The following KLHDC10 variants were observed in gnomAD, a reference collection of about 807,000 sequenced individuals.
KLHDC10 encodes the protein kelch domain-containing protein 10.
KLHDC10 carries 24 observed loss-of-function variants against 56.1 expected under a neutral mutation model. That is an observed-to-expected ratio of 0.43 (90% CI 0.31 to 0.60). The LOEUF (loss-of-function observed/expected upper bound fraction) is 0.60, where lower values mean the gene tolerates loss of function less well. KLHDC10 is among the 20% of genes least tolerant of loss of function. KLHDC10 has a pLI of 0.11. For synonymous variants in KLHDC10, 188 were observed against 207.1 expected (o/e 0.91, Z 0.79); for missense variants, 349 against 567.0 (o/e 0.62, Z 3.91).
intron 3 of KLHDC10, among the ~76,000 whole-genome samples, chr7:130,117,939 C>T (rs976501277): frequency 2.0e-5 from 3 of 148,816 alleles, no homozygotes; most frequent in African/African-American, 5.0e-5. Context: ...CTGAGGCGGG[C>T]GGATCATGAG....
At chr7:130,081,892 G>A (rs1200590051) in intron 1 of KLHDC10, among the ~76,000 whole-genome samples, 1 of 151,324 alleles carries the variant, frequency 6.6e-6, no homozygotes, top group East Asian at 1.9e-4. Flanking sequence ...TCTTTCTATT[G>A]TCTGCCTTTC....
At chr7:130,076,158 ACC>A (rs1201091015) in intron 1 of KLHDC10, among the ~76,000 whole-genome samples, 1 of 151,950 alleles carries the variant, frequency 6.6e-6, no homozygotes, top group Non-Finnish European at 1.5e-5. Flanking sequence ...TGCACAGTTC[ACC>A]GTAGAGTTAG....
Position 130,128,919 on chromosome 7 carries a change from T to TATATATATATATATATACACAC in KLHDC10, c.980-517_980-516insTATATATATATATATACACACA, listed in dbSNP as rs1292651924. ...ATATATATATATATATATATATATA[T>TATATATATATATATATACACAC]ACATACTAGCCAAAACTTAAAAATC... On this transcript the variant is annotated intron_variant, in intron 8 of 9. Coordinates refer to ENST00000335420, the MANE Select transcript of KLHDC10 (RefSeq NM_014997.4). Among the ~76,000 whole-genome samples the TATATATATATATATATACACAC allele has an allele frequency of 2.8e-4, 32 of 115,688 alleles. 1 individual carries two copies. The highest frequency in any genetic ancestry group is 4.6e-4 in the African/African-American group (13 of 28,550). The allele number at this position is 115,688 out of a possible 152,430, so 75.9% of individuals were successfully genotyped here.
Position 130,135,075 on chromosome 7 carries a change from T to C in KLHDC10, c.*4329T>C, listed in dbSNP as rs1319554319. ...GTAGTTCCATCTTTTTGGTGTAATT[T>C]TCATGTTTTTAATTTGAAAAAAAAA... On this transcript the variant is annotated 3_prime_UTR_variant, in exon 10 of 10. Transcript: ENST00000335420. 1 of 134,332 alleles carries C rather than the reference T, an allele frequency of 7.4e-6. No individual in the cohort carries two copies. Among genetic ancestry groups the C allele is most frequent in the Non-Finnish European group, 1.6e-5 (1 of 61,802 alleles). 8.3% of individuals were successfully genotyped at this position (134,332 alleles called of 1,614,324 possible). A position where few individuals can be genotyped will look rare whatever the true frequency, so the allele number is the denominator to read the frequency against.
At chr7:130,128,889 A>AAAAAATATATATATAT in intron 8 of KLHDC10, among the ~76,000 whole-genome samples, 15 of 66,950 alleles carry the variant, frequency 2.2e-4, no homozygotes, top group African/African-American at 7.3e-4. Flanking sequence ...AAAAAAAAAA[A>AAAAAATATATATATAT]ATATATATAT....
At position 130,116,803 on chromosome 7, in the gene KLHDC10, G is replaced by A; in HGVS notation, c.475+137G>A. 1 of 683,750 alleles carries A rather than the reference G, an allele frequency of 1.5e-6. No homozygotes were observed. 42.4% of individuals were successfully genotyped at this position (683,750 alleles called of 1,614,324 possible). A position where few individuals can be genotyped will look rare whatever the true frequency, so the allele number is the denominator to read the frequency against. Reference sequence around the variant, plus strand: ...GTGGGTGGATAGGCTTTTTACTAGGGTAATAACAGTATGGTGATTCCAAAT... The same window carrying A: ...GTGGGTGGATAGGCTTTTTACTAGGATAATAACAGTATGGTGATTCCAAAT... On this transcript the variant is annotated intron_variant, in intron 3 of 9. Coordinates refer to ENST00000335420, the MANE Select transcript of KLHDC10 (RefSeq NM_014997.4). The surrounding 1 kb of genome is among the most constrained non-coding windows in gnomAD (Gnocchi z 4.8).
In KLHDC10 at chr7:130,131,333, A is replaced by T. The variant is rs137871603; in HGVS notation, c.*587A>T. On this transcript the variant is annotated 3_prime_UTR_variant, in exon 10 of 10. Transcript: ENST00000335420. ...GCCATCTTGTTGCACAGATAACTCA[A>T]ACCTACCCTTTGGCTTTGAAGGAAG... 6.5e-6 allele frequency: 1 copy of T among 153,194 alleles called. No individual in the cohort carries two copies. The highest frequency in any genetic ancestry group is 2.4e-5 in the African/African-American group (1 of 41,556). The allele number at this position is 153,194 out of a possible 1,614,324, so 9.5% of individuals were successfully genotyped here.
chr7:130,084,292 A>G (rs1174894585), intron 1 of KLHDC10, among the ~76,000 whole-genome samples: 2 of 152,218 alleles, frequency 1.3e-5, no homozygotes, highest in African/African-American at 4.8e-5. Flanking sequence ...AGAATGGCTA[A>G]TGGGACACGG....
intron 3 of KLHDC10, among the ~76,000 whole-genome samples, chr7:130,117,998 T>C (rs1796193312): frequency 6.6e-6 from 1 of 151,232 alleles, no homozygotes; most frequent in African/African-American, 2.4e-5. Context: ...ACCCTGTCTC[T>C]ACAAAAAACA....
chr7:130,084,863 C>T (rs748866519), intron 1 of KLHDC10, among the ~76,000 whole-genome samples: 6 of 151,160 alleles, frequency 4.0e-5, no homozygotes, highest in Non-Finnish European at 7.4e-5. Flanking sequence ...TCTGAAGCAG[C>T]AGGATTGTAG....
At chr7:130,129,929 T>C (rs907225850) in intron 9 of KLHDC10, among the ~76,000 whole-genome samples, 1 of 152,222 alleles carries the variant, frequency 6.6e-6, no homozygotes, top group Non-Finnish European at 1.5e-5. Flanking sequence ...TTTTCATCTT[T>C]GTATTCCCAG....
chr7:130,096,885 A>G (rs756468749), intron 1 of KLHDC10, 36 bp from the exon 2 acceptor site: 3 of 1,441,118 alleles, frequency 2.1e-6, no homozygotes, highest in East Asian at 4.5e-5. Context: ...AATGTGTTGT[A>G]TGTGTCTGAC....
At chr7:130,127,796 G>A (rs7804534) in intron 8 of KLHDC10, among the ~76,000 whole-genome samples, 36,106 of 152,018 alleles carry the variant, frequency 0.24, 4,639 homozygotes, top group Non-Finnish European at 0.26. Flanking sequence ...AGACCTCAGC[G>A]AACATTGTAT....
chr7:130,108,759 AT>A (rs1268708619), intron 2 of KLHDC10, among the ~76,000 whole-genome samples: 1 of 151,556 alleles, frequency 6.6e-6, no homozygotes, highest in Non-Finnish European at 1.5e-5. Flanking sequence ...AGGGAAAAAA[AT>A]GTCTCCTGTA....
At chr7:130,073,517 A>G (rs1795453453) in intron 1 of KLHDC10, among the ~76,000 whole-genome samples, 1 of 151,988 alleles carries the variant, frequency 6.6e-6, no homozygotes, top group Admixed American at 6.6e-5. Flanking sequence ...GCTGGGCTCG[A>G]ACTCCTGGCC....
At chr7:130,122,338 A>T (rs1796258893) in intron 5 of KLHDC10, 136 bp downstream of exon 5, 10 of 771,530 alleles carry the variant, frequency 1.3e-5, no homozygotes, top group Non-Finnish European at 1.8e-5. Context: ...GATCTCAGGT[A>T]AATAGTAAAG....
At chr7:130,085,671 C>T (rs1795678203) in intron 1 of KLHDC10, among the ~76,000 whole-genome samples, 1 of 148,828 alleles carries the variant, frequency 6.7e-6, no homozygotes, top group Non-Finnish European at 1.5e-5. Context: ...CCCATCTCTA[C>T]TAAAAATACA....
At position 130,096,924 on chromosome 7, in the gene KLHDC10, A is replaced by G. The variant is rs1795857430; in HGVS notation, c.170A>G (p.Lys57Arg). The change falls in exon 2 of 10, where the codon AAG becomes AGG. Residue 57 changes from lysine to arginine, a missense_variant. By Grantham distance (26) the Lys-to-Arg change is conservative (BLOSUM62 2). Transcript: ENST00000335420. ...TTGCTGATAATTGTGGTAACAGGTA[A>G]GAAGAAAATACGATGGGACCCAGTT... The part of the protein sequence containing the change: ...QLSGRPHLPG[K>R]KKIRWDPVRR... 1.2e-6 allele frequency: 2 copies of G among 1,610,026 alleles called. No homozygotes were observed. The highest frequency in any genetic ancestry group is 2.7e-5 in the African/African-American group (2 of 74,858).
intron 3 of KLHDC10, among the ~76,000 whole-genome samples, chr7:130,119,843 TAAAAAAAAAA>T (rs72549928): frequency 1.3e-5 from 1 of 76,970 alleles, no homozygotes; most frequent in African/African-American, 5.0e-5. Flanking sequence ...GACTCCGTCT[TAAAAAAAAAA>T]AAAAAAAAAA....
Sources: gnomAD v4.1 joint callset for allele counts (sites outside exome capture counted in the v4.1 genomes callset) on GRCh38, gnomAD v4.1.1 for gene constraint, Gnocchi (gnomAD v3.1) non-coding constraint, MANE v1.5 for transcripts, NCBI Gene and HGNC (gene_info 2026-07-23, HGNC 2026-07-21) for gene names.